Variants in MFSD11 observed in about 807,000 individuals in gnomAD.
The protein encoded by MFSD11 is major facilitator superfamily domain containing 11.
A neutral mutation model predicts 53.5 loss-of-function variants in MFSD11; 36 were observed. That is an observed-to-expected ratio of 0.67 (90% CI 0.52 to 0.89). The LOEUF (loss-of-function observed/expected upper bound fraction) is 0.89. MFSD11 is among the 40% of genes least tolerant of loss of function. MFSD11 has a pLI of 0.00. For missense variants in MFSD11, 530 were observed against 543.9 expected, an observed-to-expected ratio of 0.97 and a Z score of 0.25; for synonymous variants, 186 against 184.9, an observed-to-expected ratio of 1.01 and a Z score of -0.05.
At position 76,776,734 on chromosome 17, in the gene MFSD11, G is replaced by A. The variant is rs1002311406; in HGVS notation, c.1185+193G>A. Among the ~76,000 whole-genome samples, 1 of 151,822 alleles carries A rather than the reference G, an allele frequency of 6.6e-6. No homozygotes were observed. The highest frequency in any genetic ancestry group is 2.4e-5 in the African/African-American group (1 of 41,338). On this transcript the variant is annotated intron_variant, in intron 12 of 12. Transcript: ENST00000685175. This position sits in a 1 kb window ranked among gnomAD's most constrained non-coding sequence, Gnocchi z 4.2. ...TGACTCGCTGCAACCTCCGCCTCCC[G>A]GGTTCAAGCAATTCTCCTGCCTTAG...
Position 76,743,407 on chromosome 17 carries a change from T to C in MFSD11, c.447T>C (p.Phe149=). The part of the protein sequence containing the change: ...FWALLQSSLF[F]GNLYIYFAWQ... ...CCTTTTCTTCCCCCAGCTTGTTCTTTGGAAATCTCTACATATATTTTGCCT... is the reference window on the plus strand; with the variant it reads ...CCTTTTCTTCCCCCAGCTTGTTCTTCGGAAATCTCTACATATATTTTGCCT... The change falls in exon 6 of 13, where the codon TTT becomes TTC. Residue 149 remains phenylalanine (F), a synonymous_variant. Coordinates refer to ENST00000685175, the MANE Select transcript of MFSD11 (RefSeq NM_001242532.5). 1 of 1,582,730 alleles carries C rather than the reference T, an allele frequency of 6.3e-7. No individual in the cohort carries two copies. Among genetic ancestry groups the C allele is most frequent in the Non-Finnish European group, 8.6e-7 (1 of 1,166,476 alleles).
intron 6 of MFSD11, 97 bp from the exon 7 acceptor site, chr17:76,744,222 CGAG>C (rs2078348495): frequency 1.8e-6 from 2 of 1,134,180 alleles, no homozygotes; most frequent in Non-Finnish European, 2.4e-6. Context: ...AAAAATGTAA[CGAG>C]GAAGTGTGTT....
intron 2 of MFSD11, among the ~76,000 whole-genome samples, chr17:76,740,167 C>T (rs1387039568): frequency 2.2e-5 from 2 of 90,452 alleles, no homozygotes; most frequent in African/African-American, 8.6e-5. Flanking sequence ...GAGCGAGGCT[C>T]CGTCTCAAAA....
intron 8 of MFSD11, among the ~76,000 whole-genome samples, chr17:76,765,452 CTTTTTTTT>C (rs59878271): frequency 0.017 from 1,585 of 91,414 alleles, 27 homozygotes; most frequent in African/African-American, 0.066. Context: ...CTTGAATTTC[CTTTTTTTT>C]TTTTTTTTTT....
chr17:76,739,128 G>A (rs2077795758), intron 2 of MFSD11, 135 bp downstream of exon 2: 3 of 671,612 alleles, frequency 4.5e-6, no homozygotes, highest in Non-Finnish European at 7.8e-6. Flanking sequence ...TAGACTGAGA[G>A]AACATAATAG....
chr17:76,760,388 G>T (rs991175770), intron 8 of MFSD11, among the ~76,000 whole-genome samples: 2 of 152,126 alleles, frequency 1.3e-5, no homozygotes, highest in African/African-American at 4.8e-5. Flanking sequence ...GAAGGAGGAG[G>T]AGGGAGGGGG....
chr17:76,790,048 C>T, the MFSD11 span, among the ~76,000 whole-genome samples: 1 of 146,978 alleles, frequency 6.8e-6, no homozygotes, highest in South Asian at 2.3e-4. Flanking sequence ...TTAGACAACT[C>T]TTTTCTCTAC....
intron 7 of MFSD11, among the ~76,000 whole-genome samples, chr17:76,749,603 T>C (rs1674210168): frequency 6.7e-6 from 1 of 148,942 alleles, no homozygotes; most frequent in Admixed American, 6.7e-5. Context: ...AATAAAAAAA[T>C]AAAGCAGGCT....
chr17:76,768,684 A>G (rs539078977), intron 9 of MFSD11, among the ~76,000 whole-genome samples: 3 of 152,208 alleles, frequency 2.0e-5, no homozygotes, highest in Admixed American at 2.0e-4. Flanking sequence ...CCATTACAGT[A>G]AGAATATAAT....
Position 76,776,480 on chromosome 17 carries a change from T to C in MFSD11, c.1124T>C (p.Ile375Thr). 1 of 1,614,168 alleles carries C rather than the reference T, an allele frequency of 6.2e-7. No homozygotes were observed. The highest frequency in any genetic ancestry group is 8.5e-7 in the Non-Finnish European group (1 of 1,180,022). The part of the protein sequence containing the change: ...DSCFNTQLLS[I>T]LGFLYSEDSA... ...TGCTTTAATACCCAGCTGCTTAGTA[T>C]CTTGGGCTTTCTGTATTCTGAAGAC... The change falls in exon 12 of 13, where the codon ATC (isoleucine) becomes ACC (threonine). Residue 375 changes from isoleucine (I) to threonine (T), a missense_variant. Coordinates refer to ENST00000685175, the MANE Select transcript of MFSD11 (RefSeq NM_001242532.5). This position sits in a 1 kb window ranked among gnomAD's most constrained non-coding sequence, Gnocchi z 4.2.
At position 76,751,111 on chromosome 17, in the gene MFSD11, C is replaced by T. The variant is rs542028817; in HGVS notation, c.642-2936C>T. On this transcript the variant is annotated intron_variant, in intron 7 of 12. Coordinates refer to ENST00000685175, the MANE Select transcript of MFSD11 (RefSeq NM_001242532.5). ...ATGTAATCTTTTAAAAATCTTTTGG[C>T]TGGGTGCAGTGGCTCACACCTGTAA... 2.0e-5 allele frequency among the ~76,000 whole-genome samples: 3 copies of T among 150,182 alleles called. No homozygotes were observed. In the South Asian group the frequency reaches 6.7e-4, roughly 34 times the overall value.
chr17:76,757,566 A>C (rs1354944259), intron 8 of MFSD11, among the ~76,000 whole-genome samples: 3 of 152,224 alleles, frequency 2.0e-5, no homozygotes, highest in Non-Finnish European at 2.9e-5. Flanking sequence ...GTTCCTACAT[A>C]CTATCTAAAA....
chr17:76,773,689 C>T (rs1470248987), intron 10 of MFSD11, among the ~76,000 whole-genome samples: 2 of 152,106 alleles, frequency 1.3e-5, no homozygotes, highest in African/African-American at 2.4e-5. Context: ...CTCATTGCAA[C>T]CTCCACCTCC....
chr17:76,738,539 C>G lies in MFSD11; in HGVS notation c.96+91C>G, dbSNP rs1042322273. 23 of 894,518 alleles carry G rather than the reference C, an allele frequency of 2.6e-5. No individual in the cohort carries two copies. The Admixed American group carries it at 2.8e-4, about 11-fold the overall frequency. 55.4% of individuals were successfully genotyped at this position (894,518 alleles called of 1,614,324 possible). A position where few individuals can be genotyped will look rare whatever the true frequency, so the allele number is the denominator to read the frequency against. On this transcript the variant is annotated intron_variant, in intron 1 of 12. Transcript: ENST00000685175. ...AACGTTCATTATATCTAATAGCGCG[C>G]TTTAATTGCATCTTTCATTTTTCCC...
At position 76,742,004 on chromosome 17, in the gene MFSD11, G is replaced by C. The variant is rs749990294; in HGVS notation, c.296G>C (p.Trp99Ser). Reference protein sequence around the residue: ...YIAVFIQPFPWSFYTASVFIG... With the variant: ...YIAVFIQPFPSSFYTASVFIG... ...GCCGTTTTCATCCAGCCTTTCCCGT[G>C]GTCCTTCTACACAGCCTCTGTTTTC... The change falls in exon 4 of 13, where the codon TGG becomes TCG. Residue 99 changes from tryptophan to serine, a missense_variant. Physicochemically the swap from Trp to Ser is radical, Grantham distance 177. Transcript: ENST00000685175. 1 of 1,614,052 alleles carries C rather than the reference G, an allele frequency of 6.2e-7. No homozygotes were observed. The highest frequency in any genetic ancestry group is 1.1e-5 in the South Asian group (1 of 91,074).
intron 9 of MFSD11, chr17:76,769,137 A>G (rs902525848): frequency 5.3e-5 from 8 of 152,266 alleles, no homozygotes; most frequent in African/African-American, 4.8e-5. Flanking sequence ...TAACATAAGG[A>G]TATCTGTTCA....
chr17:76,755,814 T>TATATATATA (rs1598612525), intron 8 of MFSD11, among the ~76,000 whole-genome samples: 22 of 7,830 alleles, frequency 2.8e-3, no homozygotes, highest in Non-Finnish European at 4.1e-3. Flanking sequence ...ATATATATAT[T>TATATATATA]TTTTTTTTTT....
Position 76,738,190 on chromosome 17 carries a change from T to C in MFSD11, c.-163T>C. On this transcript the variant is annotated 5_prime_UTR_variant, in exon 1 of 13. Transcript: ENST00000685175. The stretch of plus-strand genomic sequence containing the variant: ...GGTGGGGAGAACTTCGCCCTAAACC[T>C]GGGGTTCCGATCCAGGAACTGGAAG... 1 of 614,966 alleles carries C rather than the reference T, an allele frequency of 1.6e-6. No individual in the cohort carries two copies. Among genetic ancestry groups the C allele is most frequent in the Non-Finnish European group, 2.9e-6 (1 of 346,584 alleles). 38.1% of individuals were successfully genotyped at this position (614,966 alleles called of 1,614,324 possible). A position where few individuals can be genotyped will look rare whatever the true frequency, so the allele number is the denominator to read the frequency against.
chr17:76,788,476 C>T, the MFSD11 span, among the ~76,000 whole-genome samples: 1 of 149,140 alleles, frequency 6.7e-6, no homozygotes, highest in Non-Finnish European at 1.5e-5. Flanking sequence ...AGCAATTCTC[C>T]TGCCTCAACC....
Sources: allele counts gnomAD v4.1 joint callset (sites outside exome capture counted in the v4.1 genomes callset), GRCh38; gene constraint gnomAD v4.1.1; non-coding constraint Gnocchi (gnomAD v3.1); transcripts MANE v1.5; gene names NCBI Gene and HGNC (gene_info 2026-07-23, HGNC 2026-07-21).